The following ST8SIA6 variants were observed in gnomAD, a reference collection of about 807,000 sequenced individuals.
ST8SIA6 encodes the protein ST8 alpha-N-acetyl-neuraminide alpha-2,8-sialyltransferase 6, also known as alpha-2,8-sialyltransferase 8F.
Under a neutral mutation model 33.6 loss-of-function variants are expected in ST8SIA6, and 39 were observed. That is an observed-to-expected ratio of 1.16 (90% CI 0.90 to 1.52). The LOEUF is 1.52. Among genes scored for constraint, ST8SIA6 ranks in the 40% most tolerant of loss-of-function variants. The pLI is 0.00. For synonymous variants in ST8SIA6, 172 were observed against 167.2 expected, an observed-to-expected ratio of 1.03 and a Z score of -0.22; for missense variants, 441 against 443.8, an observed-to-expected ratio of 0.99 and a Z score of 0.06.
In ST8SIA6 at chr10:17,320,752, C is replaced by T. The variant is rs2131570151; in HGVS notation, c.*126G>A. The T allele has an allele frequency of 9.0e-6, 8 of 890,062 alleles. No homozygotes were observed. The South Asian group carries it at 1.4e-4, about 16-fold the overall frequency. 55.1% of individuals were successfully genotyped at this position (890,062 alleles called of 1,614,324 possible). A position where few individuals can be genotyped will look rare whatever the true frequency, so the allele number is the denominator to read the frequency against. ...CATCATTGCAAAATGAGTGGGGAAG[C>T]TTTGGTCAAACCAAATTTTGGGGCT... On this transcript the variant is annotated 3_prime_UTR_variant, in exon 8 of 8. Transcript: ENST00000377602.
At chr10:17,423,392 G>A (rs1461005942) in intron 2 of ST8SIA6, among the ~76,000 whole-genome samples, 1 of 152,102 alleles carries the variant, frequency 6.6e-6, no homozygotes, top group Non-Finnish European at 1.5e-5. Flanking sequence ...TAATATTCCT[G>A]GGATTCAGTA....
intron 2 of ST8SIA6, among the ~76,000 whole-genome samples, chr10:17,405,884 CAAAAA>C (rs10546412): frequency 1.2e-5 from 1 of 85,358 alleles, no homozygotes; most frequent in African/African-American, 3.5e-5. Flanking sequence ...GACTCCATTT[CAAAAA>C]AAAAAAAAAA....
chr10:17,335,799 T>C (rs1360543137), intron 4 of ST8SIA6, among the ~76,000 whole-genome samples: 1 of 152,212 alleles, frequency 6.6e-6, no homozygotes, highest in African/African-American at 2.4e-5. Flanking sequence ...GTGGCTCTTT[T>C]ATCCAGCATT....
chr10:17,326,595 C>T (rs1848135986), intron 6 of ST8SIA6, among the ~76,000 whole-genome samples: 1 of 152,068 alleles, frequency 6.6e-6, no homozygotes, highest in Non-Finnish European at 1.5e-5. Context: ...CAAGTATTGT[C>T]TAAGAACAAA....
intron 3 of ST8SIA6, among the ~76,000 whole-genome samples, chr10:17,363,518 G>A (rs1023043): frequency 2.0e-5 from 3 of 151,988 alleles, no homozygotes; most frequent in African/African-American, 4.8e-5. Context: ...TGGCTGACTC[G>A]TGGACTTGAG....
intron 3 of ST8SIA6, among the ~76,000 whole-genome samples, chr10:17,388,431 A>C (rs968956133): frequency 6.6e-6 from 1 of 152,210 alleles, no homozygotes; most frequent in African/African-American, 2.4e-5. Context: ...TCAAACTCCA[A>C]CACCCCCAGG....
intron 2 of ST8SIA6, among the ~76,000 whole-genome samples, chr10:17,448,570 C>T (rs1423243147): frequency 6.6e-6 from 1 of 151,812 alleles, no homozygotes; most frequent in Admixed American, 6.6e-5. Context: ...TGGGTACTCA[C>T]TTATGGCATT....
intron 4 of ST8SIA6, among the ~76,000 whole-genome samples, chr10:17,352,060 T>G (rs1272456682): frequency 6.6e-6 from 1 of 152,090 alleles, no homozygotes; most frequent in Non-Finnish European, 1.5e-5. Context: ...AAAAAAAATG[T>G]TAAGCATATG....
chr10:17,332,435 C>G (rs899310288), intron 4 of ST8SIA6, among the ~76,000 whole-genome samples: 1 of 152,154 alleles, frequency 6.6e-6, no homozygotes, highest in Non-Finnish European at 1.5e-5. Context: ...TCCTATTTCT[C>G]CACAGCCTCA....
At chr10:17,444,407 C>T (rs181896038) in intron 2 of ST8SIA6, among the ~76,000 whole-genome samples, 8 of 152,292 alleles carry the variant, frequency 5.3e-5, no homozygotes, top group Admixed American at 2.0e-4. Flanking sequence ...ATGAGTGAGA[C>T]AGAAAATAAA....
chr10:17,423,590 C>T (rs1351541556), intron 2 of ST8SIA6, among the ~76,000 whole-genome samples: 1 of 152,188 alleles, frequency 6.6e-6, no homozygotes, highest in African/African-American at 2.4e-5. Flanking sequence ...TTGTTACTTG[C>T]ATTGTCTCTA....
At chr10:17,426,471 T>A (rs1851942156) in intron 2 of ST8SIA6, among the ~76,000 whole-genome samples, 1 of 152,152 alleles carries the variant, frequency 6.6e-6, no homozygotes, top group African/African-American at 2.4e-5. Flanking sequence ...GCTTCAGAGA[T>A]ACCCAAGTGG....
intron 4 of ST8SIA6, among the ~76,000 whole-genome samples, chr10:17,341,628 C>T (rs531698536): frequency 9.9e-4 from 151 of 151,994 alleles, no homozygotes; most frequent in Non-Finnish European, 1.6e-3. Flanking sequence ...GGGCCAGGTG[C>T]GGTGGCTTAT....
chr10:17,331,270 G>A, intron 5 of ST8SIA6, 138 bp downstream of exon 5: 2 of 1,029,274 alleles, frequency 1.9e-6, no homozygotes, highest in Admixed American at 3.1e-5. Flanking sequence ...TTAAAAAATG[G>A]CTCACTGTCC....
intron 2 of ST8SIA6, among the ~76,000 whole-genome samples, chr10:17,431,396 G>A (rs1003431775): frequency 4.6e-5 from 7 of 152,126 alleles, no homozygotes; most frequent in African/African-American, 1.4e-4. Context: ...AAGTGTGACC[G>A]GAATAATGAT....
rs371027902 is a variant in ST8SIA6 at position 17,412,520 on chromosome 10, C to T, written c.201-21900G>A. ...TAACAAGGCCATGCACTGGAATTAA[C>T]CTGCGTGAGCTCCACTTGGCTGCCC... On this transcript the variant is annotated intron_variant, in intron 2 of 7. Coordinates refer to ENST00000377602, the MANE Select transcript of ST8SIA6 (RefSeq NM_001004470.3). 3.9e-5 allele frequency among the ~76,000 whole-genome samples: 6 copies of T among 152,290 alleles called. No homozygotes were observed. The East Asian group carries it at 5.8e-4, about 15-fold the overall frequency.
intron 3 of ST8SIA6, among the ~76,000 whole-genome samples, chr10:17,384,032 T>C (rs575123007): frequency 6.6e-6 from 1 of 152,352 alleles, no homozygotes; most frequent in South Asian, 2.1e-4. Context: ...CTGTTTTCAT[T>C]TGTGACAGGA....
At chr10:17,390,710 T>C (rs1850564085) in intron 2 of ST8SIA6, 90 bp from the exon 3 acceptor site, 1 of 1,036,844 alleles carries the variant, frequency 9.6e-7, no homozygotes, top group African/African-American at 1.6e-5. Flanking sequence ...ATTGATAAAG[T>C]GTGTCCAAAT....
At chr10:17,382,760 C>T (rs138623497) in intron 3 of ST8SIA6, among the ~76,000 whole-genome samples, 1 of 152,334 alleles carries the variant, frequency 6.6e-6, no homozygotes, top group African/African-American at 2.4e-5. Context: ...AGCTATTCAA[C>T]ACCTCAAGGC....
Sources: gnomAD v4.1 joint callset for allele counts (sites outside exome capture counted in the v4.1 genomes callset) on GRCh38, gnomAD v4.1.1 for gene constraint, MANE v1.5 for transcripts, NCBI Gene and HGNC (gene_info 2026-07-23, HGNC 2026-07-21) for gene names.